The following MPV17L variants were observed in gnomAD, a reference collection of about 807,000 sequenced individuals.
MPV17L encodes mpv17-like protein.
Under a neutral mutation model 25.8 loss-of-function variants are expected in MPV17L, and 24 were observed. The observed-to-expected ratio is 0.93, with a 90% CI of 0.67 to 1.31. The LOEUF is 1.31. MPV17L is among the 50% of genes most tolerant of loss of function. The probability of loss-of-function intolerance (pLI) is 0.00; values close to 1 mark genes in which losing one functional copy is unlikely to be tolerated. For missense variants in MPV17L, 250 were observed against 265.6 expected, an observed-to-expected ratio of 0.94 and a Z score of 0.41; for synonymous variants, 102 against 115.3, an observed-to-expected ratio of 0.88 and a Z score of 0.74.
rs1319463109 is a variant in MPV17L at position 15,401,077 on chromosome 16, TATA to T, written c.381+221_381+223del. ...GTGTGTGTATATATATATATATATATATATATATATTTTTTTTTTTTTTTTTTT... is the reference window on the plus strand; with the variant it reads ...GTGTGTGTATATATATATATATATATTATATATTTTTTTTTTTTTTTTTTT... On this transcript the variant is annotated intron_variant, in intron 2 of 3. Transcript: ENST00000396385. Among the ~76,000 whole-genome samples the T allele has an allele frequency of 4.3e-3, 202 of 46,624 alleles. 1 individual carries two copies. Among genetic ancestry groups the T allele is most frequent in the East Asian group, 9.3e-3 (13 of 1,402 alleles). The allele number at this position is 46,624 out of a possible 152,430, so 30.6% of individuals were successfully genotyped here.
chr16:15,396,283 G>T, intron 1 of MPV17L, 76 bp downstream of exon 1: 2 of 1,503,538 alleles, frequency 1.3e-6, no homozygotes, highest in South Asian at 2.5e-5. Context: ...GGGATCAAGC[G>T]GCTGGAGGGA....
intron 2 of MPV17L, among the ~76,000 whole-genome samples, chr16:15,403,194 C>G (rs2050652331): frequency 6.6e-6 from 1 of 151,188 alleles, no homozygotes; most frequent in South Asian, 2.1e-4. Flanking sequence ...ATGGTGAAAC[C>G]GTGTCTCCAC....
rs367972732 is a variant in MPV17L, at chr16:15,408,069, A to G, written c.548A>G (p.Tyr183Cys). 2 of 1,612,640 alleles carry G rather than the reference A, an allele frequency of 1.2e-6. No homozygotes were observed. Among genetic ancestry groups the G allele is most frequent in the African/African-American group, 2.7e-5 (2 of 74,880 alleles). The change falls in exon 4 of 4, where the codon TAT becomes TGT. Residue 183 changes from tyrosine to cysteine, a missense_variant. Transcript: ENST00000396385. ...TTCAAGTCAGCTTTCACCATTTTAT[A>G]TACAAAGGGGACCAGTGCCACAGAA... ...GTFKSAFTILYTKGTSATEGY... is the reference protein window; with the variant it reads ...GTFKSAFTILCTKGTSATEGY...
rs2050714208 is a variant in MPV17L at position 15,409,506 on chromosome 16, C to T, written c.*1394C>T. ...ACCCTTAAGAAGGTTCTTTTTAATTCTCCCCACCCTTGAGAATGTACTTTG... is the reference window on the plus strand; with the variant it reads ...ACCCTTAAGAAGGTTCTTTTTAATTTTCCCCACCCTTGAGAATGTACTTTG... On this transcript the variant is annotated 3_prime_UTR_variant, in exon 4 of 4. Transcript: ENST00000396385. 6.6e-6 allele frequency: 1 copy of T among 152,122 alleles called. No individual in the cohort carries two copies. Among genetic ancestry groups the T allele is most frequent in the African/African-American group, 2.4e-5 (1 of 41,424 alleles). 9.4% of individuals were successfully genotyped at this position (152,122 alleles called of 1,614,324 possible). A position where few individuals can be genotyped will look rare whatever the true frequency, so the allele number is the denominator to read the frequency against.
Position 15,407,849 on chromosome 16 carries a change from T to TTTTTTGAG in MPV17L, c.407_408insTTTTTGAG (p.Gln137PhefsTer2). 2 of 1,614,006 alleles carry TTTTTTGAG rather than the reference T, an allele frequency of 1.2e-6. No individual in the cohort carries two copies. The highest frequency in any genetic ancestry group is 2.7e-5 in the African/African-American group (2 of 75,024). On this transcript the variant is annotated stop_gained and frameshift_variant, in exon 3 of 4. Coordinates refer to ENST00000396385, the MANE Select transcript of MPV17L (RefSeq NM_001128423.2). LOFTEE classifies it high-confidence loss of function. ...AGTGGACTGATGTACTGGCCCTTTG[T>TTTTTTGAG]ACAGGTAAGTTCCACCTACTCAGTA...
chr16:15,402,232 T>C, intron 2 of MPV17L, among the ~76,000 whole-genome samples: 1 of 152,196 alleles, frequency 6.6e-6, no homozygotes, highest in East Asian at 1.9e-4. Context: ...ATTGATTCAG[T>C]TAATATTTAT....
chr16:15,408,312 A>T lies in MPV17L; in HGVS notation c.*200A>T, dbSNP rs2050700832. On this transcript the variant is annotated 3_prime_UTR_variant, in exon 4 of 4. Coordinates refer to ENST00000396385, the MANE Select transcript of MPV17L (RefSeq NM_001128423.2). ...TTTTCCTGTTCTAGTCTGAAATATTACTTCTCTAATATTTTGGTTAATATG... is the reference window on the plus strand; with the variant it reads ...TTTTCCTGTTCTAGTCTGAAATATTTCTTCTCTAATATTTTGGTTAATATG... 6.3e-6 allele frequency: 3 copies of T among 478,478 alleles called. No individual in the cohort carries two copies. The highest frequency in any genetic ancestry group is 7.3e-5 in the Admixed American group (2 of 27,296). The allele number at this position is 478,478 out of a possible 1,614,324, so 29.6% of individuals were successfully genotyped here.
rs1229606955 is a variant in MPV17L at position 15,413,061 on chromosome 16, G to A, written c.*4949G>A. 1.3e-5 allele frequency: 2 copies of A among 152,162 alleles called. No individual in the cohort carries two copies. Among genetic ancestry groups the A allele is most frequent in the Non-Finnish European group, 2.9e-5 (2 of 68,044 alleles). The allele number at this position is 152,162 out of a possible 1,614,324, so 9.4% of individuals were successfully genotyped here. On this transcript the variant is annotated 3_prime_UTR_variant, in exon 4 of 4. Transcript: ENST00000396385. ...TTATGTGAATTTCTACAGAATGTTT[G>A]CTAGAATGAATTATATCTAGGATAT...
At chr16:15,403,036 T>A (rs1293517702) in intron 2 of MPV17L, among the ~76,000 whole-genome samples, 1 of 151,720 alleles carries the variant, frequency 6.6e-6, no homozygotes, top group African/African-American at 2.4e-5. Flanking sequence ...TGTTGTAAAG[T>A]CTATGGAGAT....
rs548012835 is a variant in MPV17L at position 15,401,058 on chromosome 16, GTATATA to G, written c.381+225_381+230del. On this transcript the variant is annotated intron_variant, in intron 2 of 3. Transcript: ENST00000396385. Reference sequence around the variant, plus strand: ...TCAGGATTTTTTTGTATGTGTGTGTGTATATATATATATATATATATATATATATTT... The same window carrying G: ...TCAGGATTTTTTTGTATGTGTGTGTGTATATATATATATATATATATATTT... Among the ~76,000 whole-genome samples the G allele has an allele frequency of 6.3e-3, 279 of 44,244 alleles. 22 individuals are homozygous for G. The highest frequency in any genetic ancestry group is 0.033 in the Middle Eastern group (1 of 30). The allele number at this position is 44,244 out of a possible 152,430, so 29.0% of individuals were successfully genotyped here. A position where few individuals can be genotyped will look rare whatever the true frequency, so the allele number is the denominator to read the frequency against.
At chr16:15,405,647 A>C (rs1343039036) in intron 2 of MPV17L, among the ~76,000 whole-genome samples, 1 of 151,528 alleles carries the variant, frequency 6.6e-6, no homozygotes, top group Admixed American at 6.6e-5. Context: ...GGGTTTCTAC[A>C]TGTTGGTCAG....
chr16:15,407,682 C>T (rs1296221955), intron 2 of MPV17L, 142 bp from the exon 3 acceptor site: 5 of 728,898 alleles, frequency 6.9e-6, no homozygotes, highest in South Asian at 2.0e-5. Flanking sequence ...GCAGAGGTTG[C>T]GGTGAGCTAA....
chr16:15,403,210 A>G (rs1237068354), intron 2 of MPV17L, among the ~76,000 whole-genome samples: 1 of 151,884 alleles, frequency 6.6e-6, no homozygotes, highest in Non-Finnish European at 1.5e-5. Context: ...TCCACTAAAA[A>G]TACAACAAAT....
intron 2 of MPV17L, among the ~76,000 whole-genome samples, chr16:15,405,344 G>A (rs1282381873): frequency 6.7e-6 from 1 of 150,172 alleles, no homozygotes; most frequent in Admixed American, 6.7e-5. Flanking sequence ...GACCAACCTG[G>A]CCCGCATAGT....
intron 1 of MPV17L, among the ~76,000 whole-genome samples, chr16:15,398,216 G>A (rs1251672383): frequency 6.6e-6 from 1 of 151,958 alleles, no homozygotes; most frequent in East Asian, 1.9e-4. Context: ...CCTAATTTTT[G>A]CATTTTTAAT....
At chr16:15,397,163 T>C (rs2050594151) in intron 1 of MPV17L, among the ~76,000 whole-genome samples, 1 of 152,014 alleles carries the variant, frequency 6.6e-6, no homozygotes, top group South Asian at 2.1e-4. Context: ...AGGAGGGTTT[T>C]ATAAGGTGAT....
In MPV17L at chr16:15,409,557, A is replaced by G. The variant is rs1478198467; in HGVS notation, c.*1445A>G. The G allele has an allele frequency of 2.0e-5, 3 of 152,156 alleles. No individual in the cohort carries two copies. Among genetic ancestry groups the G allele is most frequent in the African/African-American group, 7.2e-5 (3 of 41,424 alleles). The allele number at this position is 152,156 out of a possible 1,614,324, so 9.4% of individuals were successfully genotyped here. ...TGAGATCCACCCCTGCCCGCAAAACATTGCTCCAAACTCCACCACCTATCC... is the reference window on the plus strand; with the variant it reads ...TGAGATCCACCCCTGCCCGCAAAACGTTGCTCCAAACTCCACCACCTATCC... On this transcript the variant is annotated 3_prime_UTR_variant, in exon 4 of 4. Coordinates refer to ENST00000396385, the MANE Select transcript of MPV17L (RefSeq NM_001128423.2).
intron 2 of MPV17L, among the ~76,000 whole-genome samples, chr16:15,402,261 C>T (rs2050644944): frequency 6.6e-6 from 1 of 152,148 alleles, no homozygotes; most frequent in African/African-American, 2.4e-5. Flanking sequence ...GTCCTTAAGG[C>T]CTGGCAAAAT....
In MPV17L at chr16:15,409,343, G is replaced by T; in HGVS notation, c.*1231G>T. On this transcript the variant is annotated 3_prime_UTR_variant, in exon 4 of 4. Transcript: ENST00000396385. The stretch of plus-strand genomic sequence containing the variant: ...TCAAGCTAAGCCATCATATCCCAGT[G>T]ACCTGCACATATACATCCAGATGGC... 1 of 152,738 alleles carries T rather than the reference G, an allele frequency of 6.5e-6. No individual in the cohort carries two copies. Among genetic ancestry groups the T allele is most frequent in the South Asian group, 1.9e-4 (1 of 5,218 alleles). 9.5% of individuals were successfully genotyped at this position (152,738 alleles called of 1,614,324 possible). A position where few individuals can be genotyped will look rare whatever the true frequency, so the allele number is the denominator to read the frequency against.
Sources: gnomAD v4.1 joint callset for allele counts (sites outside exome capture counted in the v4.1 genomes callset) on GRCh38, gnomAD v4.1.1 for gene constraint, MANE v1.5 for transcripts, NCBI Gene and HGNC (gene_info 2026-07-23, HGNC 2026-07-21) for gene names.